ZNF503: variants seen among roughly 807,000 people sequenced by gnomAD.
The protein encoded by ZNF503 is NocA-like zinc finger 2.
A neutral mutation model predicts 34.4 loss-of-function variants in ZNF503; 15 were observed. That is an observed-to-expected ratio of 0.44 (90% CI 0.29 to 0.67). ZNF503 has a LOEUF of 0.67. Ranked by LOEUF, ZNF503 falls within the 30% of genes least tolerant of loss-of-function variation. The pLI, the probability that ZNF503 is intolerant of heterozygous loss-of-function variation, is 0.13. For missense variants in ZNF503, 1,007 were observed against 926.8 expected (o/e 1.09, Z -1.12); for synonymous variants, 580 against 456.8 (o/e 1.27, Z -3.44).
the ZNF503 span, among the ~76,000 whole-genome samples, chr10:75,321,336 G>A: frequency 3.9e-5 from 6 of 152,088 alleles, no homozygotes; most frequent in Admixed American, 3.9e-4. Context: ...ATGTGAGAAT[G>A]GACTAATACG....
In ZNF503 at chr10:75,398,856, TG is replaced by T; in HGVS notation, c.1833del (p.Thr612ArgfsTer26). The part of the protein sequence containing the change: ...RYHPYSKSPL[P>X]TPGAPVPVPA... ...GGCACCGGCACGGGGGCGCCAGGCGTGGGAAGCGGGCTCTTGGAGTAGGGGT... is the reference window on the plus strand; with the variant it reads ...GGCACCGGCACGGGGGCGCCAGGCGTGGAAGCGGGCTCTTGGAGTAGGGGT... On this transcript the variant is annotated frameshift_variant, in exon 2 of 2. Transcript: ENST00000372524. LOFTEE classifies it high-confidence loss of function. The T allele has an allele frequency of 1.3e-6, 2 of 1,508,108 alleles. No homozygotes were observed. Among genetic ancestry groups the T allele is most frequent in the Non-Finnish European group, 8.8e-7 (1 of 1,133,328 alleles). The allele number at this position is 1,508,108 out of a possible 1,614,324, so 93.4% of individuals were successfully genotyped here. A position where few individuals can be genotyped will look rare whatever the true frequency, so the allele number is the denominator to read the frequency against.
rs1367562569 is a variant in ZNF503 at position 75,400,140 on chromosome 10, C to T, written c.550G>A (p.Asp184Asn). 1.0e-5 allele frequency: 15 copies of T among 1,494,708 alleles called. No individual in the cohort carries two copies. The highest frequency in any genetic ancestry group is 1.4e-5 in the African/African-American group (1 of 70,842). 92.6% of individuals were successfully genotyped at this position (1,494,708 alleles called of 1,614,324 possible). A position where few individuals can be genotyped will look rare whatever the true frequency, so the allele number is the denominator to read the frequency against. Residue 184 changes from aspartate to asparagine, a missense_variant, in exon 2 of 2, where the codon GAT (aspartate) becomes AAT (asparagine). By Grantham distance (23) the Asp-to-Asn change is conservative. Coordinates refer to ENST00000372524, the MANE Select transcript of ZNF503 (RefSeq NM_032772.6). ...SFKPYSKPGS[D>N]KKEPGGGGGG... ...CCGCCGCCTCCCGGCTCCTTCTTAT[C>T]CGAGCCGGGTTTGGAGTACGGCTTG...
the ZNF503 span, among the ~76,000 whole-genome samples, chr10:75,386,562 G>A: frequency 6.6e-6 from 1 of 152,202 alleles, no homozygotes; most frequent in African/African-American, 2.4e-5. Context: ...TGCTTGTCCT[G>A]CAGCTTCTCC....
Position 75,399,033 on chromosome 10 carries a change from A to T in ZNF503, c.1657T>A (p.Ser553Thr). The change falls in exon 2 of 2, where the codon TCG becomes ACG. Residue 553 changes from serine (S) to threonine (T), a missense_variant. Physicochemically the swap from Ser to Thr is moderately conservative, Grantham distance 58 (BLOSUM62 1). Coordinates refer to ENST00000372524, the MANE Select transcript of ZNF503 (RefSeq NM_032772.6). ...TAFPGTDKLL[S>T]GYPSSSSLAS... Reference sequence around the variant, plus strand: ...AGAGACGACGAGCTGGGGTAGCCCGACAGCAGTTTGTCTGTCCCGGGAAAT... The same window carrying T: ...AGAGACGACGAGCTGGGGTAGCCCGTCAGCAGTTTGTCTGTCCCGGGAAAT... 1.9e-6 allele frequency: 3 copies of T among 1,611,768 alleles called. No individual in the cohort carries two copies. Among genetic ancestry groups the T allele is most frequent in the Non-Finnish European group, 2.5e-6 (3 of 1,179,746 alleles).
the ZNF503 span, among the ~76,000 whole-genome samples, chr10:75,380,336 A>G: frequency 1.3e-5 from 2 of 152,158 alleles, no homozygotes; most frequent in South Asian, 2.1e-4. Flanking sequence ...TATGTTACAG[A>G]TGAGGAAACT....
the ZNF503 span, among the ~76,000 whole-genome samples, chr10:75,290,750 A>G: frequency 3.9e-5 from 6 of 152,346 alleles, no homozygotes; most frequent in East Asian, 1.2e-3. Flanking sequence ...AATGCACTTC[A>G]CAGAGTGAGA....
chr10:75,280,887 A>G, the ZNF503 span, among the ~76,000 whole-genome samples: 1 of 152,114 alleles, frequency 6.6e-6, no homozygotes, highest in Non-Finnish European at 1.5e-5. Flanking sequence ...GGGAAGAAAC[A>G]GGGGTAGAAT....
the ZNF503 span, among the ~76,000 whole-genome samples, chr10:75,373,687 T>C: frequency 6.6e-6 from 1 of 152,230 alleles, no homozygotes; most frequent in Non-Finnish European, 1.5e-5. Context: ...CGCAAGTCCA[T>C]TAACTCCTCT....
chr10:75,307,493 C>A, the ZNF503 span, among the ~76,000 whole-genome samples: 1 of 152,202 alleles, frequency 6.6e-6, no homozygotes, highest in Non-Finnish European at 1.5e-5. Flanking sequence ...CATAATAGTG[C>A]AAGGTGAAGC....
the ZNF503 span, among the ~76,000 whole-genome samples, chr10:75,316,993 G>A: frequency 6.6e-6 from 1 of 152,128 alleles, no homozygotes; most frequent in East Asian, 1.9e-4. Context: ...CCAGGCAGGA[G>A]TACAGCAGCA....
chr10:75,352,781 C>T, the ZNF503 span, among the ~76,000 whole-genome samples: 1 of 152,236 alleles, frequency 6.6e-6, no homozygotes, highest in South Asian at 2.1e-4. Flanking sequence ...CTCAAGGGCA[C>T]AGACAAAGCA....
At chr10:75,291,756 C>CTAGGA in the ZNF503 span, among the ~76,000 whole-genome samples, 1 of 152,210 alleles carries the variant, frequency 6.6e-6, no homozygotes, top group Non-Finnish European at 1.5e-5. Flanking sequence ...CACACCAGGA[C>CTAGGA]TAGGATAAGG....
chr10:75,398,855 G>T lies in ZNF503; in HGVS notation c.1835C>A (p.Thr612Lys). 1 of 1,509,470 alleles carries T rather than the reference G, an allele frequency of 6.6e-7. No homozygotes were observed. Among genetic ancestry groups the T allele is most frequent in the Non-Finnish European group, 8.8e-7 (1 of 1,134,024 alleles). 93.5% of individuals were successfully genotyped at this position (1,509,470 alleles called of 1,614,324 possible). ...YHPYSKSPLP[T>K]PGAPVPVPAA... Reference sequence around the variant, plus strand: ...GGGCACCGGCACGGGGGCGCCAGGCGTGGGAAGCGGGCTCTTGGAGTAGGG... The same window carrying T: ...GGGCACCGGCACGGGGGCGCCAGGCTTGGGAAGCGGGCTCTTGGAGTAGGG... The change falls in exon 2 of 2, where the codon ACG becomes AAG. Residue 612 changes from threonine (T) to lysine (K), a missense_variant. Transcript: ENST00000372524.
At chr10:75,348,444 C>T in the ZNF503 span, among the ~76,000 whole-genome samples, 3 of 150,976 alleles carry the variant, frequency 2.0e-5, no homozygotes, top group Non-Finnish European at 4.4e-5. Flanking sequence ...GTGATCTGCC[C>T]ACCTCGGTCT....
chr10:75,355,615 T>C, the ZNF503 span, among the ~76,000 whole-genome samples: 2 of 152,174 alleles, frequency 1.3e-5, no homozygotes, highest in Non-Finnish European at 2.9e-5. Flanking sequence ...TAACAGTGCT[T>C]GGGAATTTCT....
chr10:75,314,236 C>CAAAAAAAA, the ZNF503 span, among the ~76,000 whole-genome samples: 4 of 89,806 alleles, frequency 4.5e-5, no homozygotes, highest in Non-Finnish European at 6.7e-5. Context: ...GACTCCGTCT[C>CAAAAAAAA]AAAAAAAAAA....
chr10:75,329,995 C>T, the ZNF503 span, among the ~76,000 whole-genome samples: 1 of 152,154 alleles, frequency 6.6e-6, no homozygotes, highest in Non-Finnish European at 1.5e-5. Context: ...GTGGGTTTGT[C>T]ATTTATGGTC....
the ZNF503 span, among the ~76,000 whole-genome samples, chr10:75,321,647 C>A: frequency 6.6e-6 from 1 of 152,182 alleles, no homozygotes. Flanking sequence ...AGGCATTGTG[C>A]CCCTGCCCTA....
the ZNF503 span, among the ~76,000 whole-genome samples, chr10:75,282,686 G>T: frequency 6.6e-6 from 1 of 152,178 alleles, no homozygotes; most frequent in Non-Finnish European, 1.5e-5. Context: ...ATCGCACAAA[G>T]ACATAAGGGG....
Sources: gnomAD v4.1 joint callset for allele counts (sites outside exome capture counted in the v4.1 genomes callset) on GRCh38, gnomAD v4.1.1 for gene constraint, MANE v1.5 for transcripts, NCBI Gene and HGNC (gene_info 2026-07-23, HGNC 2026-07-21) for gene names.